Variants in FAM149B1 observed in about 807,000 individuals in gnomAD.
FAM149B1 encodes primary cilium assembly protein FAM149B1.
A neutral mutation model predicts 75.3 loss-of-function variants in FAM149B1; 56 were observed. That is an observed-to-expected ratio of 0.74 (90% CI 0.60 to 0.93). The LOEUF (loss-of-function observed/expected upper bound fraction) is 0.93, where lower values mean the gene tolerates loss of function less well. FAM149B1 is among the 40% of genes least tolerant of loss of function. FAM149B1 has a pLI of 0.00. For missense variants in FAM149B1, 639 were observed against 708.4 expected, an observed-to-expected ratio of 0.90 and a Z score of 1.11; for synonymous variants, 259 against 256.1, an observed-to-expected ratio of 1.01 and a Z score of -0.11.
At chr10:73,216,458 T>G (rs1037047973) in intron 7 of FAM149B1, among the ~76,000 whole-genome samples, 7 of 151,996 alleles carry the variant, frequency 4.6e-5, no homozygotes, top group Non-Finnish European at 8.8e-5. Flanking sequence ...TGAGTTGTTT[T>G]ATAAATTATG....
At chr10:73,179,602 G>T (rs556543853) in intron 3 of FAM149B1, among the ~76,000 whole-genome samples, 100 of 150,964 alleles carry the variant, frequency 6.6e-4, no homozygotes, top group Admixed American at 2.1e-3. Flanking sequence ...TTAAGAGGTA[G>T]GATCTGGAAC....
intron 7 of FAM149B1, among the ~76,000 whole-genome samples, chr10:73,222,408 C>G (rs2043438339): frequency 6.6e-6 from 1 of 152,192 alleles, no homozygotes. Context: ...GCAGCAAGTA[C>G]TGTTCCCTTC....
At chr10:73,182,220 T>TTTC (rs1304560668) in intron 3 of FAM149B1, among the ~76,000 whole-genome samples, 7 of 150,800 alleles carry the variant, frequency 4.6e-5, no homozygotes, top group African/African-American at 1.5e-4. Context: ...TCTTTTTTTT[T>TTTC]TTTTTTTTTT....
chr10:73,235,290 C>G lies in FAM149B1; in HGVS notation c.1574C>G (p.Pro525Arg), dbSNP rs1177960566. Reference protein sequence around the residue: ...QERLLLPDFFPRPNTTQSFLL... With the variant: ...QERLLLPDFFRRPNTTQSFLL... ...AGGCTCCTTTTGCCCGACTTTTTCC[C>G]CAGGCCCAACACAACTCAATCATTT... Residue 525 changes from proline to arginine, a missense_variant, in exon 12 of 14, where the codon CCC becomes CGC. Coordinates refer to ENST00000242505, the MANE Select transcript of FAM149B1 (RefSeq NM_173348.2). 6.4e-7 allele frequency: 1 copy of G among 1,552,096 alleles called. No homozygotes were observed. Among genetic ancestry groups the G allele is most frequent in the Non-Finnish European group, 8.7e-7 (1 of 1,147,050 alleles).
In FAM149B1 at chr10:73,182,401, G is replaced by A. The variant is rs561498489; in HGVS notation, c.282+4426G>A. Among the ~76,000 whole-genome samples, 5 of 152,002 alleles carry A rather than the reference G, an allele frequency of 3.3e-5. No homozygotes were observed. In the East Asian group the frequency reaches 5.8e-4, roughly 18 times the overall value. ...GGCTAATTGTATTTTTAGTAGAGAC[G>A]GGGTTCTGCCTTGTTGGCCAGGCTG... On this transcript the variant is annotated intron_variant, in intron 3 of 13. Transcript: ENST00000242505.
chr10:73,187,302 A>T (rs191369642), intron 3 of FAM149B1, among the ~76,000 whole-genome samples: 2 of 150,848 alleles, frequency 1.3e-5, no homozygotes, highest in Non-Finnish European at 2.9e-5. Flanking sequence ...ATATCAGTGC[A>T]CTCTCTATCA....
intron 7 of FAM149B1, among the ~76,000 whole-genome samples, chr10:73,219,169 CA>C (rs2043355553): frequency 6.6e-6 from 1 of 151,968 alleles, no homozygotes; most frequent in South Asian, 2.1e-4. Flanking sequence ...ACAATAGTAT[CA>C]AGAAGAATAA....
intron 4 of FAM149B1, 109 bp from the exon 5 acceptor site, chr10:73,193,366 CTG>C: frequency 1.0e-6 from 1 of 976,304 alleles, no homozygotes; most frequent in Non-Finnish European, 1.5e-6. Context: ...CAGTATCAGA[CTG>C]TATACTGGAC....
Position 73,174,796 on chromosome 10 carries a change from TAACAC to T in FAM149B1, c.152+8_152+12del. 1 of 1,526,984 alleles carries T rather than the reference TAACAC, an allele frequency of 6.5e-7. No homozygotes were observed. Among genetic ancestry groups the T allele is most frequent in the Non-Finnish European group, 8.9e-7 (1 of 1,124,568 alleles). 94.6% of individuals were successfully genotyped at this position (1,526,984 alleles called of 1,614,324 possible). On this transcript the variant is annotated splice_donor_region_variant and intron_variant, in intron 2 of 13. Transcript: ENST00000242505. ...GAAAGACACAAGTTCCCAAAGGTAA[TAACAC>T]AAAGTGTACTTGTTTACTTATTGCA...
chr10:73,217,584 A>G (rs1460140810), intron 7 of FAM149B1, among the ~76,000 whole-genome samples: 1 of 152,224 alleles, frequency 6.6e-6, no homozygotes, highest in African/African-American at 2.4e-5. Flanking sequence ...TTAGAAGAAT[A>G]CAGTTCCTTA....
intron 3 of FAM149B1, among the ~76,000 whole-genome samples, chr10:73,184,382 G>A (rs955392261): frequency 6.6e-6 from 1 of 151,594 alleles, no homozygotes; most frequent in East Asian, 1.9e-4. Flanking sequence ...ATTATAGCTG[G>A]AAACTTTAAT....
At chr10:73,184,146 G>A (rs2042465162) in intron 3 of FAM149B1, among the ~76,000 whole-genome samples, 1 of 151,770 alleles carries the variant, frequency 6.6e-6, no homozygotes, top group African/African-American at 2.4e-5. Flanking sequence ...GATACAAGAG[G>A]GCATCCAGAA....
intron 12 of FAM149B1, among the ~76,000 whole-genome samples, chr10:73,236,130 A>C (rs898304171): frequency 2.0e-5 from 3 of 152,188 alleles, no homozygotes; most frequent in Non-Finnish European, 2.9e-5. Context: ...AAAGCACTGC[A>C]AAGTTTTTCT....
At chr10:73,189,414 G>A (rs12247739) in intron 3 of FAM149B1, among the ~76,000 whole-genome samples, 3 of 152,032 alleles carry the variant, frequency 2.0e-5, no homozygotes, top group African/African-American at 7.3e-5. Flanking sequence ...AAACATATGT[G>A]TAGAAAAAGA....
At chr10:73,170,951 T>G (rs1214892884) in intron 1 of FAM149B1, among the ~76,000 whole-genome samples, 1 of 151,994 alleles carries the variant, frequency 6.6e-6, no homozygotes, top group Non-Finnish European at 1.5e-5. Flanking sequence ...TATTAACTAG[T>G]ATAGTTGTAT....
At chr10:73,198,917 G>T (rs1436869000) in intron 5 of FAM149B1, among the ~76,000 whole-genome samples, 1 of 152,194 alleles carries the variant, frequency 6.6e-6, no homozygotes, top group African/African-American at 2.4e-5. Flanking sequence ...AGGCAGGAAG[G>T]GTAGCTCTTG....
In FAM149B1 at chr10:73,177,133, G is replaced by A. The variant is rs530315918; in HGVS notation, c.153-713G>A. Among the ~76,000 whole-genome samples, 16 of 152,124 alleles carry A rather than the reference G, an allele frequency of 1.1e-4. No individual in the cohort carries two copies. In the South Asian group the frequency reaches 3.1e-3, roughly 30 times the overall value. On this transcript the variant is annotated intron_variant, in intron 2 of 13. Coordinates refer to ENST00000242505, the MANE Select transcript of FAM149B1 (RefSeq NM_173348.2). ...GTGGGAGAATCACTTGAACCCAGGA[G>A]GCGGAGGTTGCAGTGAGCTGATTTC...
chr10:73,190,338 G>A (rs1252383383), intron 3 of FAM149B1, among the ~76,000 whole-genome samples: 2 of 151,508 alleles, frequency 1.3e-5, no homozygotes, highest in Non-Finnish European at 2.9e-5. Flanking sequence ...TATTGTCCAG[G>A]TTGGAACACA....
chr10:73,239,794 A>T (rs904675029), intron 13 of FAM149B1, among the ~76,000 whole-genome samples: 4 of 152,176 alleles, frequency 2.6e-5, no homozygotes, highest in Admixed American at 1.3e-4. Context: ...TTGATCAGTT[A>T]ATCTGTTAGG....
Sources: allele counts gnomAD v4.1 joint callset (sites outside exome capture counted in the v4.1 genomes callset), GRCh38; gene constraint gnomAD v4.1.1; transcripts MANE v1.5; gene names NCBI Gene and HGNC (gene_info 2026-07-23, HGNC 2026-07-21).